The following MRAS variants were observed in gnomAD, a reference collection of about 807,000 sequenced individuals.
MRAS encodes the protein muscle RAS oncogene homolog, also known as ras-related protein M-Ras.
A neutral mutation model predicts 20.9 loss-of-function variants in MRAS; 4 were observed. The ratio of observed to expected loss-of-function variants is 0.19; its 90% CI spans 0.09 to 0.44. MRAS has a LOEUF of 0.44. Ranked by LOEUF, MRAS falls within the 20% of genes least tolerant of loss-of-function variation. The pLI is 0.99. For synonymous variants in MRAS, 98 were observed against 102.9 expected, an observed-to-expected ratio of 0.95 and a Z score of 0.29; for missense variants, 154 against 277.5, an observed-to-expected ratio of 0.56 and a Z score of 3.16.
rs1361284189 is a variant in MRAS at position 138,363,822 on chromosome 3, C to T, written c.-18-9044C>T. 9.7e-4 allele frequency among the ~76,000 whole-genome samples: 86 copies of T among 88,630 alleles called. 4 individuals are homozygous for T. Among genetic ancestry groups the T allele is most frequent in the African/African-American group, 3.3e-3 (82 of 24,816 alleles). 58.1% of individuals were successfully genotyped at this position (88,630 alleles called of 152,430 possible). A position where few individuals can be genotyped will look rare whatever the true frequency, so the allele number is the denominator to read the frequency against. ...CATGTGACCTGTTAGAGGATTTACCCCCCCCCCCCCCCAAACCACAGGGTA... is the reference window on the plus strand; with the variant it reads ...CATGTGACCTGTTAGAGGATTTACCTCCCCCCCCCCCCAAACCACAGGGTA... On this transcript the variant is annotated intron_variant, in intron 1 of 5. Transcript: ENST00000423968.
upstream of MRAS, chr3:138,348,089 G>C (rs2054152517): frequency 6.6e-6 from 1 of 152,286 alleles, no homozygotes; most frequent in Non-Finnish European, 1.5e-5. Flanking sequence ...AAGGCCTGCG[G>C]GGAGAGACGC....
chr3:138,385,815 A>G (rs2055000670), intron 2 of MRAS, among the ~76,000 whole-genome samples: 2 of 152,156 alleles, frequency 1.3e-5, no homozygotes, highest in Admixed American at 6.5e-5. Context: ...GTTCCAGGCC[A>G]ATGTATTTTT....
intron 2 of MRAS, among the ~76,000 whole-genome samples, chr3:138,374,044 C>T (rs1305301412): frequency 7.2e-5 from 11 of 151,982 alleles, no homozygotes; most frequent in East Asian, 1.9e-4. Flanking sequence ...CCGCAACCTC[C>T]GCCTCTCGGG....
At chr3:138,367,500 C>A (rs2054584618) in intron 1 of MRAS, among the ~76,000 whole-genome samples, 1 of 152,176 alleles carries the variant, frequency 6.6e-6, no homozygotes, top group Admixed American at 6.5e-5. Flanking sequence ...CACACCCATG[C>A]TAACTTTGAA....
rs190498377 is a variant in MRAS, at chr3:138,350,787, A to G, written c.-19+2020A>G. On this transcript the variant is annotated intron_variant, in intron 1 of 5. Transcript: ENST00000423968. ...GGCAACATGGTGAAACTCCGTCTCT[A>G]CAAAAATTAGCTGGGCCTGGTGGCA... 2.4e-4 allele frequency among the ~76,000 whole-genome samples: 37 copies of G among 152,184 alleles called. No homozygotes were observed. In the East Asian group the frequency reaches 3.1e-3, roughly 13 times the overall value.
intron 1 of MRAS, among the ~76,000 whole-genome samples, chr3:138,359,372 G>T (rs1030634321): frequency 2.0e-5 from 3 of 152,122 alleles, no homozygotes; most frequent in Non-Finnish European, 2.9e-5. Context: ...TCATTGCCAT[G>T]CCTGCCTCGT....
At position 138,398,546 on chromosome 3, in the gene MRAS, A is replaced by G; in HGVS notation, c.425A>G (p.Lys142Arg). ...HLRKITREQGKEMATKHNIPY... is the reference protein window; with the variant it reads ...HLRKITREQGREMATKHNIPY... Reference sequence around the variant, plus strand: ...AGGAAGATCACCAGGGAGCAAGGAAAAGAAATGGCGACCAAACACAATGTA... The same window carrying G: ...AGGAAGATCACCAGGGAGCAAGGAAGAGAAATGGCGACCAAACACAATGTA... The change falls in exon 4 of 6, where the codon AAA (lysine) becomes AGA (arginine). Residue 142 changes from lysine (K) to arginine (R), a missense_variant. Lys to Arg is a conservative substitution (Grantham distance 26). Transcript: ENST00000423968. 6.2e-7 allele frequency: 1 copy of G among 1,614,182 alleles called. No homozygotes were observed. Among genetic ancestry groups the G allele is most frequent in the South Asian group, 1.1e-5 (1 of 91,082 alleles).
At chr3:138,385,743 G>C (rs1163601636) in intron 2 of MRAS, among the ~76,000 whole-genome samples, 1 of 152,146 alleles carries the variant, frequency 6.6e-6, no homozygotes, top group Non-Finnish European at 1.5e-5. Flanking sequence ...TCGAACTCCT[G>C]ACCTCAGGTA....
chr3:138,351,368 C>A (rs972485034), intron 1 of MRAS, among the ~76,000 whole-genome samples: 23 of 152,222 alleles, frequency 1.5e-4, no homozygotes, highest in Admixed American at 2.0e-4. Flanking sequence ...TCCAGAGGCT[C>A]TGTACCTGCC....
At chr3:138,355,855 C>T (rs1313556316) in intron 1 of MRAS, among the ~76,000 whole-genome samples, 3 of 152,172 alleles carry the variant, frequency 2.0e-5, no homozygotes, top group East Asian at 3.9e-4. Flanking sequence ...TGCTTGAACC[C>T]GGGAGGCAGA....
chr3:138,390,521 C>T (rs986898734), intron 2 of MRAS, among the ~76,000 whole-genome samples: 6 of 152,228 alleles, frequency 3.9e-5, no homozygotes, highest in African/African-American at 1.4e-4. Flanking sequence ...CTCTGGAGTC[C>T]TCCTACCTTC....
Position 138,405,132 on chromosome 3 carries a change from C to T in MRAS, c.*2863C>T, listed in dbSNP as rs2055432656. 6.6e-6 allele frequency: 1 copy of T among 152,604 alleles called. No individual in the cohort carries two copies. Among genetic ancestry groups the T allele is most frequent in the African/African-American group, 2.4e-5 (1 of 41,454 alleles). 9.5% of individuals were successfully genotyped at this position (152,604 alleles called of 1,614,324 possible). A position where few individuals can be genotyped will look rare whatever the true frequency, so the allele number is the denominator to read the frequency against. ...GCCACTCGGGACACCTGGATGGTTT[C>T]TCTTAGGACTTTGCCCACCTCCTTC... is the stretch of plus-strand genomic sequence containing the variant. On this transcript the variant is annotated 3_prime_UTR_variant, in exon 6 of 6. Transcript: ENST00000423968.
At chr3:138,396,809 C>T (rs971286883) in intron 2 of MRAS, among the ~76,000 whole-genome samples, 1 of 152,142 alleles carries the variant, frequency 6.6e-6, no homozygotes, top group African/African-American at 2.4e-5. Flanking sequence ...CCCAGATGGC[C>T]TCTTCAGGGC....
At chr3:138,374,311 T>A (rs166196) in intron 2 of MRAS, among the ~76,000 whole-genome samples, 123,790 of 151,710 alleles carry the variant, frequency 0.82, 50,630 homozygotes, top group East Asian at 0.97. Flanking sequence ...GTTTTGTCAG[T>A]TTTATACCTG....
chr3:138,391,259 G>T (rs2055127002), intron 2 of MRAS, among the ~76,000 whole-genome samples: 1 of 152,082 alleles, frequency 6.6e-6, no homozygotes, highest in Non-Finnish European at 1.5e-5. Context: ...TAATTTTCCT[G>T]TAAGTACCAC....
At chr3:138,352,547 T>A (rs1576335285) in intron 1 of MRAS, among the ~76,000 whole-genome samples, 2 of 152,188 alleles carry the variant, frequency 1.3e-5, no homozygotes, top group African/African-American at 4.8e-5. Flanking sequence ...GTATTTTGCT[T>A]CTTAATGTCC....
chr3:138,365,874 A>G (rs1311593354), intron 1 of MRAS, among the ~76,000 whole-genome samples: 1 of 152,178 alleles, frequency 6.6e-6, no homozygotes, highest in African/African-American at 2.4e-5. Flanking sequence ...CATGCCACCT[A>G]CTTGCCCTTG....
chr3:138,395,366 C>T (rs2055213688), intron 2 of MRAS, among the ~76,000 whole-genome samples: 1 of 152,082 alleles, frequency 6.6e-6, no homozygotes, highest in African/African-American at 2.4e-5. Flanking sequence ...CCCAAACTCT[C>T]CAGTGGCCCC....
Position 138,405,381 on chromosome 3 carries a change from TGTGAGCGCCC to T in MRAS, c.*3113_*3122del, listed in dbSNP as rs1560193967. On this transcript the variant is annotated 3_prime_UTR_variant, in exon 6 of 6. Coordinates refer to ENST00000423968, the MANE Select transcript of MRAS (RefSeq NM_001085049.3). The stretch of plus-strand genomic sequence containing the variant: ...AAAGATACTTGAATTATTGTGCGCC[TGTGAGCGCCC>T]AGCTTCTGTTTCATAGTCTTAACAG... 1.3e-5 allele frequency: 2 copies of T among 152,714 alleles called. No individual in the cohort carries two copies. The highest frequency in any genetic ancestry group is 2.9e-5 in the Non-Finnish European group (2 of 68,050). The allele number at this position is 152,714 out of a possible 1,614,324, so 9.5% of individuals were successfully genotyped here.
Sources: allele counts gnomAD v4.1 joint callset (sites outside exome capture counted in the v4.1 genomes callset), GRCh38; gene constraint gnomAD v4.1.1; transcripts MANE v1.5; gene names NCBI Gene and HGNC (gene_info 2026-07-23, HGNC 2026-07-21).